GALNT14: variants seen among roughly 807,000 people sequenced by gnomAD.
GALNT14 encodes the protein UDP-GalNAc:polypeptide N-acetylgalactosaminyltransferase 14.
A neutral mutation model predicts 77.5 loss-of-function variants in GALNT14; 60 were observed. That is an observed-to-expected ratio of 0.77 (90% CI 0.63 to 0.96). The LOEUF is 0.96. Ranked by LOEUF, GALNT14 falls within the 40% of genes least tolerant of loss-of-function variation. The pLI is 0.00. For missense variants in GALNT14, 710 were observed against 731.0 expected, an observed-to-expected ratio of 0.97 and a Z score of 0.33; for synonymous variants, 280 against 281.7, an observed-to-expected ratio of 0.99 and a Z score of 0.06.
chr2:30,966,288 A>G lies in GALNT14; in HGVS notation c.314T>C (p.Val105Ala), dbSNP rs756812207. 2 of 1,613,690 alleles carry G rather than the reference A, an allele frequency of 1.2e-6. No homozygotes were observed. The highest frequency in any genetic ancestry group is 1.1e-5 in the South Asian group (1 of 91,066). The change falls in exon 3 of 15, where the codon GTG (valine) becomes GCG (alanine). Residue 105 changes from valine (V) to alanine (A), a missense_variant. Coordinates refer to ENST00000349752, the MANE Select transcript of GALNT14 (RefSeq NM_024572.4). ...AGTGGGTGGAAGGTCCGTGCAATAC[A>G]CCAGCAGTGTGCATCTGGGGAAGGA... is the stretch of plus-strand genomic sequence containing the variant. ...DTRHLRCTLLVYCTDLPPTSI... is the reference protein window; with the variant it reads ...DTRHLRCTLLAYCTDLPPTSI...
chr2:31,108,410 CCG>C (rs2148621991), intron 1 of GALNT14, among the ~76,000 whole-genome samples: 1 of 152,292 alleles, frequency 6.6e-6, no homozygotes, highest in East Asian at 1.9e-4. Flanking sequence ...GACACGTCAC[CCG>C]CTCAATTACA....
At chr2:31,013,089 T>G (rs935887995) in intron 1 of GALNT14, among the ~76,000 whole-genome samples, 4 of 152,164 alleles carry the variant, frequency 2.6e-5, no homozygotes, top group Non-Finnish European at 5.9e-5. Flanking sequence ...GCTCTGACAC[T>G]CTTGAGCAGT....
chr2:30,926,687 C>T (rs1665403232), intron 11 of GALNT14, among the ~76,000 whole-genome samples: 1 of 150,346 alleles, frequency 6.7e-6, no homozygotes, highest in Non-Finnish European at 1.5e-5. Flanking sequence ...TGCCTAGCAG[C>T]AGAAGAAACG....
chr2:30,987,761 C>G (rs1010697519), intron 2 of GALNT14, among the ~76,000 whole-genome samples: 2 of 135,806 alleles, frequency 1.5e-5, no homozygotes, highest in African/African-American at 2.8e-5. Flanking sequence ...CCTCCCACAT[C>G]ATGCGGCATC....
intron 1 of GALNT14, among the ~76,000 whole-genome samples, chr2:31,100,724 C>T (rs1306537095): frequency 6.6e-6 from 1 of 151,570 alleles, no homozygotes; most frequent in African/African-American, 2.4e-5. Context: ...AATACCTGAA[C>T]TATACAGATG....
chr2:30,945,446 G>A (rs1365523799), intron 7 of GALNT14, among the ~76,000 whole-genome samples: 16 of 152,286 alleles, frequency 1.1e-4, no homozygotes, highest in East Asian at 7.7e-4. Flanking sequence ...GAATAATCAC[G>A]TCTCTAGGAG....
intron 6 of GALNT14, among the ~76,000 whole-genome samples, chr2:30,947,405 G>C (rs1172875491): frequency 1.3e-5 from 2 of 152,142 alleles, no homozygotes; most frequent in African/African-American, 4.8e-5. Context: ...AATCATGCAG[G>C]AAACATTTTC....
chr2:31,111,319 T>A (rs1320807653), intron 1 of GALNT14, among the ~76,000 whole-genome samples: 1 of 152,202 alleles, frequency 6.6e-6, no homozygotes, highest in Non-Finnish European at 1.5e-5. Flanking sequence ...TTCGCAAGTC[T>A]CCAGGCAAAA....
the GALNT14 span, among the ~76,000 whole-genome samples, chr2:30,893,403 T>A: frequency 6.6e-6 from 1 of 152,236 alleles, no homozygotes; most frequent in African/African-American, 2.4e-5. Context: ...AGGCTATTAT[T>A]AATTCCAGGA....
chr2:31,132,735 C>T (rs745859769), intron 1 of GALNT14: 17 of 470,780 alleles, frequency 3.6e-5, no homozygotes, highest in African/African-American at 6.0e-5. Context: ...TGAAAACAGC[C>T]GTTTGCCAAA....
chr2:30,916,633 A>C (rs1411529600), intron 13 of GALNT14, among the ~76,000 whole-genome samples: 2 of 144,986 alleles, frequency 1.4e-5, no homozygotes, highest in African/African-American at 2.7e-5. Context: ...GGGAGCAGGG[A>C]GGGGACAGGC....
intron 1 of GALNT14, among the ~76,000 whole-genome samples, chr2:31,016,746 G>A (rs1315902059): frequency 6.6e-6 from 1 of 152,128 alleles, no homozygotes; most frequent in Non-Finnish European, 1.5e-5. Context: ...CCTACTATGA[G>A]ATACATCCTT....
chr2:31,026,667 T>G (rs1466027301), intron 1 of GALNT14, among the ~76,000 whole-genome samples: 1 of 152,222 alleles, frequency 6.6e-6, no homozygotes, highest in Non-Finnish European at 1.5e-5. Context: ...GCCACTAACA[T>G]GCGGGGAGAC....
chr2:31,024,459 C>T (rs887367660), intron 1 of GALNT14, among the ~76,000 whole-genome samples: 2 of 152,172 alleles, frequency 1.3e-5, no homozygotes, highest in Non-Finnish European at 2.9e-5. Flanking sequence ...ACTCCAGCCA[C>T]ACCAGGTTCC....
At chr2:31,082,260 GGCCTCAGGCAGGGGCCAAGGCA>G (rs1406333002) in intron 1 of GALNT14, among the ~76,000 whole-genome samples, 2 of 152,232 alleles carry the variant, frequency 1.3e-5, no homozygotes, top group East Asian at 3.8e-4. Flanking sequence ...CAGGGCACTT[GGCCTCAGGCAGGGGCCAAGGCA>G]GCCTCAGGAT....
chr2:30,936,177 C>A (rs1003028355), intron 9 of GALNT14, among the ~76,000 whole-genome samples: 1 of 152,090 alleles, frequency 6.6e-6, no homozygotes, highest in Non-Finnish European at 1.5e-5. Flanking sequence ...TCCCGCCCTC[C>A]ATTCCCCCCA....
At chr2:31,027,606 G>A (rs1044546927) in intron 1 of GALNT14, among the ~76,000 whole-genome samples, 2 of 152,122 alleles carry the variant, frequency 1.3e-5, no homozygotes, top group South Asian at 2.1e-4. Context: ...AAGAAACCTG[G>A]TACGTGGAGG....
intron 1 of GALNT14, among the ~76,000 whole-genome samples, chr2:31,002,751 T>C (rs954853392): frequency 6.6e-6 from 1 of 152,100 alleles, no homozygotes; most frequent in Admixed American, 6.5e-5. Flanking sequence ...GAATGGATGG[T>C]CTGGGAAGAG....
At chr2:30,951,122 A>G (rs1233118805) in intron 6 of GALNT14, among the ~76,000 whole-genome samples, 1 of 152,228 alleles carries the variant, frequency 6.6e-6, no homozygotes, top group Non-Finnish European at 1.5e-5. Context: ...AATATTTATA[A>G]CTGCGCTATT....
Sources: allele counts gnomAD v4.1 joint callset (sites outside exome capture counted in the v4.1 genomes callset), GRCh38; gene constraint gnomAD v4.1.1; transcripts MANE v1.5; gene names NCBI Gene and HGNC (gene_info 2026-07-23, HGNC 2026-07-21).